Variants in ISM1 observed in about 807,000 individuals in gnomAD.
ISM1 encodes isthmin 1, also known as isthmin-1.
In ISM1, 25 loss-of-function variants were observed where a neutral mutation model predicts 46.3. The ratio of observed to expected loss-of-function variants is 0.54; its 90% CI spans 0.39 to 0.75. The LOEUF (loss-of-function observed/expected upper bound fraction) is 0.75, where lower values mean the gene tolerates loss of function less well. Ranked by LOEUF, ISM1 falls within the 30% of genes least tolerant of loss-of-function variation. ISM1 has a pLI of 0.00. For missense variants in ISM1, 536 were observed against 625.4 expected (o/e 0.86, Z 1.52); for synonymous variants, 255 against 256.7 (o/e 0.99, Z 0.06).
chr20:13,252,622 G>A (rs1189843514), intron 1 of ISM1, among the ~76,000 whole-genome samples: 1 of 152,096 alleles, frequency 6.6e-6, no homozygotes, highest in African/African-American at 2.4e-5. Context: ...GGGTGTGGTG[G>A]CGTGCACCTG....
intron 4 of ISM1, among the ~76,000 whole-genome samples, chr20:13,292,111 C>A (rs1441263308): frequency 6.6e-6 from 1 of 152,184 alleles, no homozygotes; most frequent in Non-Finnish European, 1.5e-5. Context: ...AAACCCCATC[C>A]CTGGGCTCAG....
chr20:13,247,232 C>CAA (rs1042712593), intron 1 of ISM1, among the ~76,000 whole-genome samples: 2 of 147,594 alleles, frequency 1.4e-5, no homozygotes, highest in Admixed American at 1.4e-4. Flanking sequence ...ATCTCCGTCT[C>CAA]AAAAAAAAAA....
rs141756293 is a variant in ISM1, at chr20:13,264,841, C to G, written c.139-5663C>G. The stretch of plus-strand genomic sequence containing the variant: ...GAGAGGTTTTCTCTTCTTGATTCAT[C>G]TCAGCAGAGCTTTCCCAAGGGCATC... On this transcript the variant is annotated intron_variant, in intron 1 of 5. Coordinates refer to ENST00000262487, the MANE Select transcript of ISM1 (RefSeq NM_080826.2). Among the ~76,000 whole-genome samples the G allele has an allele frequency of 3.9e-5, 6 of 152,316 alleles. No individual in the cohort carries two copies. The East Asian group carries it at 9.6e-4, about 24-fold the overall frequency.
At chr20:13,288,501 T>C (rs959918721) in intron 3 of ISM1, 39 bp from the exon 4 acceptor site, 6 of 1,603,428 alleles carry the variant, frequency 3.7e-6, no homozygotes, top group Non-Finnish European at 5.1e-6. Flanking sequence ...GGAGACTCTT[T>C]GGCCAAAGTT....
At chr20:13,238,641 T>A (rs1049084194) in intron 1 of ISM1, among the ~76,000 whole-genome samples, 2 of 152,214 alleles carry the variant, frequency 1.3e-5, no homozygotes, top group African/African-American at 4.8e-5. Flanking sequence ...TGTTATTAAC[T>A]TTCCAAGAAG....
the ISM1 span, among the ~76,000 whole-genome samples, chr20:13,306,564 C>CAAAAAAAAAAAAAAAAAAAAAAAAAAGA: frequency 1.6e-5 from 1 of 63,914 alleles, no homozygotes; most frequent in African/African-American, 7.2e-5. Flanking sequence ...GGAGAAAGGA[C>CAAAAAAAAAAAAAAAAAAAAAAAAAAGA]AAAAAAAAAA....
chr20:13,321,253 T>TAAAAAAAAAAAAAAAAAAAAA, the ISM1 span, among the ~76,000 whole-genome samples: 155 of 57,500 alleles, frequency 2.7e-3, 4 homozygotes, highest in Non-Finnish European at 3.9e-3. Context: ...GTGCCCCACA[T>TAAAAAAAAAAAAAAAAAAAAA]AAAAAAAAAA....
chr20:13,298,422 CT>C (rs2040427657), intron 5 of ISM1, among the ~76,000 whole-genome samples: 1 of 152,144 alleles, frequency 6.6e-6, no homozygotes, highest in Non-Finnish European at 1.5e-5. Context: ...GGCCTCATCA[CT>C]TATTTAGAGG....
chr20:13,314,543 T>C, the ISM1 span, among the ~76,000 whole-genome samples: 18,710 of 151,478 alleles, frequency 0.12, 1,269 homozygotes, highest in Admixed American at 0.18. Flanking sequence ...ACTTCAAAAG[T>C]AAAGGAGAAA....
At chr20:13,302,763 G>T (rs772236842), downstream of ISM1, among the ~76,000 whole-genome samples, 7 of 152,168 alleles carry the variant, frequency 4.6e-5, no homozygotes, top group Non-Finnish European at 8.8e-5. Context: ...GTAATTCAGT[G>T]GGCATCCTGG....
In ISM1 at chr20:13,221,722, A is replaced by ACCG. The variant is rs1211798321; in HGVS notation, c.-42_-40dup. 4.6e-5 allele frequency: 61 copies of ACCG among 1,313,152 alleles called. No homozygotes were observed. Among genetic ancestry groups the ACCG allele is most frequent in the South Asian group, 5.9e-5 (3 of 50,830 alleles). 81.3% of individuals were successfully genotyped at this position (1,313,152 alleles called of 1,614,324 possible). A position where few individuals can be genotyped will look rare whatever the true frequency, so the allele number is the denominator to read the frequency against. ...CTCCTACTCCTCCTCCCCCGGCGTC[A>ACCG]CCGCCGCCGCCGCCGGCCGCCGCGC... is the stretch of plus-strand genomic sequence containing the variant. On this transcript the variant is annotated 5_prime_UTR_variant, in exon 1 of 6. Coordinates refer to ENST00000262487, the MANE Select transcript of ISM1 (RefSeq NM_080826.2).
chr20:13,318,774 A>G, the ISM1 span, among the ~76,000 whole-genome samples: 3 of 152,358 alleles, frequency 2.0e-5, no homozygotes, highest in South Asian at 4.1e-4. Context: ...AAGCCAATCT[A>G]AAGAGGCTAC....
the ISM1 span, among the ~76,000 whole-genome samples, chr20:13,318,084 C>G: frequency 6.6e-6 from 1 of 150,758 alleles, no homozygotes; most frequent in Non-Finnish European, 1.5e-5. Flanking sequence ...TAAAACTCAA[C>G]AATAAGAACA....
intron 5 of ISM1, among the ~76,000 whole-genome samples, chr20:13,293,176 C>T (rs940118238): frequency 3.1e-4 from 47 of 150,146 alleles, no homozygotes; most frequent in African/African-American, 9.8e-4. Flanking sequence ...CTCCAGCACT[C>T]CAGCCTGGGT....
chr20:13,247,472 G>A (rs1196405842), intron 1 of ISM1, among the ~76,000 whole-genome samples: 4 of 151,620 alleles, frequency 2.6e-5, no homozygotes, highest in South Asian at 4.2e-4. Context: ...CACCTTCGCC[G>A]GATGCTGTGG....
intron 3 of ISM1, among the ~76,000 whole-genome samples, chr20:13,285,326 C>T (rs531972648): frequency 6.6e-6 from 1 of 152,104 alleles, no homozygotes; most frequent in Non-Finnish European, 1.5e-5. Context: ...AAAAAAAAGC[C>T]AACCGCAAAA....
At chr20:13,274,379 A>T (rs957235290) in intron 2 of ISM1, among the ~76,000 whole-genome samples, 1 of 152,124 alleles carries the variant, frequency 6.6e-6, no homozygotes, top group South Asian at 2.1e-4. Context: ...TGGGTAGCAG[A>T]GTGAAGTCAG....
chr20:13,309,055 T>C, the ISM1 span, among the ~76,000 whole-genome samples: 1 of 152,200 alleles, frequency 6.6e-6, no homozygotes, highest in East Asian at 1.9e-4. Context: ...TGGTAGTTTG[T>C]TGTATCAGCC....
At chr20:13,261,544 A>G (rs925726641) in intron 1 of ISM1, among the ~76,000 whole-genome samples, 9 of 152,206 alleles carry the variant, frequency 5.9e-5, no homozygotes, top group African/African-American at 9.7e-5. Flanking sequence ...CCATAAGTGC[A>G]GAGGTGCAAT....
Sources: gnomAD v4.1 joint callset for allele counts (sites outside exome capture counted in the v4.1 genomes callset) on GRCh38, gnomAD v4.1.1 for gene constraint, MANE v1.5 for transcripts, NCBI Gene and HGNC (gene_info 2026-07-23, HGNC 2026-07-21) for gene names.